CLTCL1: variants seen among roughly 807,000 people sequenced by gnomAD.
CLTCL1 encodes clathrin heavy chain 2.
A neutral mutation model predicts 190.0 loss-of-function variants in CLTCL1; 159 were observed. That is an observed-to-expected ratio of 0.84 (90% CI 0.74 to 0.95). The LOEUF (loss-of-function observed/expected upper bound fraction) is 0.95. Ranked by LOEUF, CLTCL1 falls within the 40% of genes least tolerant of loss-of-function variation. CLTCL1 has a pLI of 0.00. For missense variants in CLTCL1, 1,878 were observed against 2,033.4 expected (o/e 0.92, Z 1.47); for synonymous variants, 752 against 769.6 (o/e 0.98, Z 0.38).
At position 19,208,939 on chromosome 22, in the gene CLTCL1, T is replaced by C. The variant is rs182543131; in HGVS notation, c.3425A>G (p.Gln1142Arg). 192 of 1,608,824 alleles carry C rather than the reference T, an allele frequency of 1.2e-4. No individual in the cohort carries two copies. In the African/African-American group the frequency reaches 2.3e-3, roughly 19 times the overall value. Residue 1142 changes from glutamine to arginine, a missense_variant, in exon 21 of 33, where the codon CAG (glutamine) becomes CGG (arginine). By Grantham distance (43) the Gln-to-Arg change is conservative. Coordinates refer to ENST00000427926, the MANE Select transcript of CLTCL1 (RefSeq NM_007098.4). Reference protein sequence around the residue: ...DDPSSYLEVVQSASRSNNWED... With the variant: ...DDPSSYLEVVRSASRSNNWED... ...TCACTTACTGCTCCTGCTGGCTGAC[T>C]GAACAACTTCCAGGTAAGAGGAAGG...
rs536090241 is a variant in CLTCL1 at position 19,200,562 on chromosome 22, C to G, written c.3766-721G>C. On this transcript the variant is annotated intron_variant, in intron 23 of 32. Coordinates refer to ENST00000427926, the MANE Select transcript of CLTCL1 (RefSeq NM_007098.4). Reference sequence around the variant, plus strand: ...TGCATACATTAACAAAGGCCTTGGCCGGGCGCAGTGGCTCATGCCTGTAAT... The same window carrying G: ...TGCATACATTAACAAAGGCCTTGGCGGGGCGCAGTGGCTCATGCCTGTAAT... 1.6e-4 allele frequency among the ~76,000 whole-genome samples: 24 copies of G among 152,282 alleles called. 2 individuals carry two copies. The South Asian group carries it at 5.0e-3, about 32-fold the overall frequency.
At chr22:19,197,144 C>T (rs562042461) in intron 24 of CLTCL1, among the ~76,000 whole-genome samples, 15 of 152,274 alleles carry the variant, frequency 9.9e-5, no homozygotes, top group East Asian at 5.8e-4. Flanking sequence ...CAAGACCAGA[C>T]GTCTGGTTAC....
chr22:19,247,907 A>G (rs782459464), intron 3 of CLTCL1, among the ~76,000 whole-genome samples: 5 of 152,168 alleles, frequency 3.3e-5, no homozygotes, highest in Admixed American at 6.5e-5. Context: ...TTCACATACC[A>G]TAGAACTTAT....
At chr22:19,187,316 G>A (rs373224898) in intron 29 of CLTCL1, among the ~76,000 whole-genome samples, 77 of 152,000 alleles carry the variant, frequency 5.1e-4, no homozygotes, top group African/African-American at 1.7e-3. Flanking sequence ...AATCAACTCC[G>A]TAAAACTCTA....
chr22:19,275,594 T>C, intron 2 of CLTCL1, 29 bp downstream of exon 2: 1 of 1,559,914 alleles, frequency 6.4e-7, no homozygotes, highest in Non-Finnish European at 8.7e-7. Flanking sequence ...TGAGGTAAGA[T>C]TCCTTTCTAA....
intron 11 of CLTCL1, among the ~76,000 whole-genome samples, chr22:19,229,394 T>G (rs780131508): frequency 4.6e-5 from 7 of 152,196 alleles, no homozygotes; most frequent in Non-Finnish European, 8.8e-5. Flanking sequence ...GCCAAATTAA[T>G]AGAGACAGAT....
chr22:19,183,668 C>A lies in CLTCL1; in HGVS notation c.4606-57G>T, dbSNP rs12628870. The stretch of plus-strand genomic sequence containing the variant: ...CCTGCAGGCAGAGGCTTTGTGCCTG[C>A]AGCAGCTGGGCCGGAGGGCAGGGAG... On this transcript the variant is annotated intron_variant, in intron 29 of 32. Coordinates refer to ENST00000427926, the MANE Select transcript of CLTCL1 (RefSeq NM_007098.4). 4.5e-6 allele frequency: 7 copies of A among 1,570,728 alleles called. No homozygotes were observed. The South Asian group carries it at 6.7e-5, about 15-fold the overall frequency.
intron 27 of CLTCL1, among the ~76,000 whole-genome samples, chr22:19,191,051 C>T (rs576847100): frequency 2.1e-3 from 324 of 152,284 alleles, no homozygotes; most frequent in African/African-American, 7.4e-3. Flanking sequence ...GCTGGGATTA[C>T]AGGCGTGAGC....
intron 2 of CLTCL1, among the ~76,000 whole-genome samples, chr22:19,270,000 C>T (rs1191954500): frequency 1.3e-5 from 2 of 150,270 alleles, no homozygotes; most frequent in Admixed American, 1.3e-4. Context: ...AATATGTCCA[C>T]ACAAAGACTT....
intron 19 of CLTCL1, among the ~76,000 whole-genome samples, chr22:19,215,660 G>A (rs562025340): frequency 1.3e-5 from 2 of 152,222 alleles, no homozygotes; most frequent in South Asian, 4.1e-4. Context: ...TGCTGCCCCT[G>A]CCACAGCTCC....
At chr22:19,183,166 G>A (rs2084197485) in intron 30 of CLTCL1, 2 of 532,124 alleles carry the variant, frequency 3.8e-6, no homozygotes, top group Non-Finnish European at 3.4e-6. Flanking sequence ...GAGGGCTGCT[G>A]CCAGTGGGCA....
rs201292541 is a variant in CLTCL1, at chr22:19,201,460, C to T, written c.3634G>A (p.Glu1212Lys). 163 of 1,613,754 alleles carry T rather than the reference C, an allele frequency of 1.0e-4. No individual in the cohort carries two copies. In the African/African-American group the frequency reaches 1.6e-3, roughly 16 times the overall value. Residue 1212 changes from glutamate (E) to lysine (K), a missense_variant, in exon 23 of 33, where the codon GAG becomes AAG. Physicochemically the swap from Glu to Lys is moderately conservative, Grantham distance 56. Coordinates refer to ENST00000427926, the MANE Select transcript of CLTCL1 (RefSeq NM_007098.4). ...GDRCYEEGMY[E>K]AAKLLYSNVS... The stretch of plus-strand genomic sequence containing the variant: ...TTGCTATAGAGCAGCTTGGCAGCCT[C>T]GTACATTCCCTCCTCGTAACAGCGG...
intron 7 of CLTCL1, 23 bp downstream of exon 7, chr22:19,234,486 G>GGATA (rs781791481): frequency 6.9e-6 from 11 of 1,588,110 alleles, no homozygotes; most frequent in Non-Finnish European, 6.9e-6. Context: ...CAGAACACTT[G>GGATA]AACAGTATTC....
chr22:19,227,320 C>A (rs2085779180), intron 11 of CLTCL1, among the ~76,000 whole-genome samples: 1 of 144,862 alleles, frequency 6.9e-6, no homozygotes, highest in Non-Finnish European at 1.5e-5. Flanking sequence ...CACTCTGTTG[C>A]CCAGGCGAAT....
At chr22:19,180,143 A>C (rs2084080629) in intron 32 of CLTCL1, 56 bp downstream of exon 32, 5 of 1,508,844 alleles carry the variant, frequency 3.3e-6, no homozygotes, top group Non-Finnish European at 4.6e-6. Flanking sequence ...GCGTGGGGTC[A>C]GCCAGAGAAC....
intron 31 of CLTCL1, 132 bp from the exon 32 acceptor site, chr22:19,180,370 G>A (rs2084090988): frequency 1.0e-6 from 1 of 987,132 alleles, no homozygotes; most frequent in Non-Finnish European, 1.6e-6. Context: ...GCACCCCACA[G>A]CCTCTCCAGT....
At chr22:19,259,464 TATC>T in intron 2 of CLTCL1, among the ~76,000 whole-genome samples, 1 of 152,278 alleles carries the variant, frequency 6.6e-6, no homozygotes, top group East Asian at 1.9e-4. Flanking sequence ...AGTCTATTGG[TATC>T]ATTTTTCCAA....
Position 19,204,600 on chromosome 22 carries a change from T to C in CLTCL1, c.3601-3107A>G, listed in dbSNP as rs1156662527. Among the ~76,000 whole-genome samples, 4 of 152,230 alleles carry C rather than the reference T, an allele frequency of 2.6e-5. No individual in the cohort carries two copies. In the East Asian group the frequency reaches 7.7e-4, roughly 29 times the overall value. On this transcript the variant is annotated intron_variant, in intron 22 of 32. Transcript: ENST00000427926. ...TCCCTGCTACATCCATAGCCCCTAC[T>C]CTGGCACACAGCTAGCTGATGCTTA... is the stretch of plus-strand genomic sequence containing the variant.
At chr22:19,207,528 G>C in intron 22 of CLTCL1, 3 of 401,694 alleles carry the variant, frequency 7.5e-6, no homozygotes, top group Non-Finnish European at 1.3e-5. Flanking sequence ...TTCCTCGTGT[G>C]GCTTGCTTCT....
Sources: allele counts gnomAD v4.1 joint callset (sites outside exome capture counted in the v4.1 genomes callset), GRCh38; gene constraint gnomAD v4.1.1; transcripts MANE v1.5; gene names NCBI Gene and HGNC (gene_info 2026-07-23, HGNC 2026-07-21).